Variants in PTPRM observed in about 807,000 individuals in gnomAD.
The protein encoded by PTPRM is protein tyrosine phosphatase receptor type M.
PTPRM carries 47 observed loss-of-function variants against 186.7 expected under a neutral mutation model. That is an observed-to-expected ratio of 0.25 (90% CI 0.20 to 0.32). PTPRM has a LOEUF of 0.32. Among genes scored for constraint, PTPRM ranks in the 10% least tolerant of loss-of-function variants. The pLI is 1.00. For missense variants in PTPRM, 1,494 were observed against 1,865.0 expected (o/e 0.80, Z 3.66); for synonymous variants, 668 against 674.9 (o/e 0.99, Z 0.16).
intron 7 of PTPRM, among the ~76,000 whole-genome samples, chr18:7,964,591 A>T (rs976254377): frequency 1.3e-5 from 2 of 152,222 alleles, no homozygotes; most frequent in Non-Finnish European, 2.9e-5. Context: ...AATCCTAAGT[A>T]GGTTTACTAT....
chr18:7,828,919 G>T (rs2045625471), intron 2 of PTPRM, among the ~76,000 whole-genome samples: 1 of 152,114 alleles, frequency 6.6e-6, no homozygotes, highest in Non-Finnish European at 1.5e-5. Context: ...TATAAGTATT[G>T]CAATAAAGAA....
intron 2 of PTPRM, among the ~76,000 whole-genome samples, chr18:7,802,829 T>C (rs2044041567): frequency 6.6e-6 from 1 of 152,216 alleles, no homozygotes; most frequent in Non-Finnish European, 1.5e-5. Context: ...AAAACTGTTA[T>C]GTTTCATGCA....
intron 19 of PTPRM, among the ~76,000 whole-genome samples, chr18:8,268,413 G>A (rs72913130): frequency 0.2 from 30,491 of 151,950 alleles, 3,454 homozygotes; most frequent in African/African-American, 0.3. Flanking sequence ...TATAGCAATA[G>A]CAAGGAGATT....
At chr18:8,403,463 C>T (rs1183789096) in intron 32 of PTPRM, 3 of 152,086 alleles carry the variant, frequency 2.0e-5, no homozygotes, top group African/African-American at 7.2e-5. Flanking sequence ...TGCATTCCTA[C>T]CAGCCGTGTA....
chr18:8,017,582 CAAAAAAAAAAAAA>C (rs71354586), intron 7 of PTPRM, among the ~76,000 whole-genome samples: 5 of 64,724 alleles, frequency 7.7e-5, no homozygotes, highest in African/African-American at 3.1e-4. Context: ...GACTCCTTCT[CAAAAAAAAAAAAA>C]AAAAAAAAAA....
intron 7 of PTPRM, among the ~76,000 whole-genome samples, chr18:7,997,502 A>T (rs2083608797): frequency 6.6e-6 from 1 of 152,164 alleles, no homozygotes; most frequent in Non-Finnish European, 1.5e-5. Flanking sequence ...AATATTGAAA[A>T]CACGTGGGAA....
intron 21 of PTPRM, among the ~76,000 whole-genome samples, chr18:8,315,907 C>A (rs536690666): frequency 2.0e-5 from 3 of 152,158 alleles, no homozygotes; most frequent in Non-Finnish European, 2.9e-5. Flanking sequence ...CAAACGAAGA[C>A]CCCTGCACTA....
intron 2 of PTPRM, among the ~76,000 whole-genome samples, chr18:7,822,073 ACTTC>A (rs2045228833): frequency 6.6e-6 from 1 of 152,158 alleles, no homozygotes; most frequent in Admixed American, 6.5e-5. Flanking sequence ...ATATAGTTCT[ACTTC>A]CTTCCTTCGT....
At chr18:8,376,403 A>AAGC in intron 25 of PTPRM, 59 bp from the exon 26 acceptor site, 1 of 1,609,566 alleles carries the variant, frequency 6.2e-7, no homozygotes, top group Non-Finnish European at 8.5e-7. Context: ...AAAATTTAAA[A>AAGC]AGCAGCAGCA....
At chr18:8,226,789 G>A (rs2094218915) in intron 14 of PTPRM, among the ~76,000 whole-genome samples, 1 of 152,136 alleles carries the variant, frequency 6.6e-6, no homozygotes, top group South Asian at 2.1e-4. Context: ...GTTTTGCTTG[G>A]CTAAAGTCAA....
chr18:7,640,521 C>A (rs1337890540), intron 1 of PTPRM, among the ~76,000 whole-genome samples: 2 of 152,006 alleles, frequency 1.3e-5, no homozygotes, highest in Non-Finnish European at 2.9e-5. Context: ...ACTGGGAAAT[C>A]TAGGAGTAGA....
chr18:8,233,539 T>C (rs941351454), intron 14 of PTPRM, among the ~76,000 whole-genome samples: 1 of 152,224 alleles, frequency 6.6e-6, no homozygotes, highest in Admixed American at 6.5e-5. Context: ...TTAAGAGTTA[T>C]TTGAACATTA....
intron 14 of PTPRM, among the ~76,000 whole-genome samples, chr18:8,203,621 A>T (rs945857771): frequency 2.0e-5 from 3 of 152,180 alleles, no homozygotes; most frequent in African/African-American, 7.2e-5. Context: ...TATATGGAAG[A>T]ATTCCTTGTT....
chr18:7,806,320 G>T (rs1319207349), intron 2 of PTPRM, among the ~76,000 whole-genome samples: 1 of 152,142 alleles, frequency 6.6e-6, no homozygotes, highest in Admixed American at 6.5e-5. Context: ...AAAGGATTCT[G>T]AATTATTATG....
intron 2 of PTPRM, among the ~76,000 whole-genome samples, chr18:7,840,116 G>T (rs2046252495): frequency 6.6e-6 from 1 of 150,780 alleles, no homozygotes; most frequent in Admixed American, 6.6e-5. Flanking sequence ...GATGGGGGAG[G>T]GGTGGTGTCC....
chr18:8,075,946 C>T (rs2089784712), intron 8 of PTPRM, among the ~76,000 whole-genome samples: 1 of 152,116 alleles, frequency 6.6e-6, no homozygotes, highest in East Asian at 1.9e-4. Context: ...ACTTGTTTCT[C>T]ATTTATTATT....
chr18:7,874,131 C>G (rs1451872997), intron 2 of PTPRM, among the ~76,000 whole-genome samples: 2 of 151,802 alleles, frequency 1.3e-5, no homozygotes, highest in African/African-American at 4.8e-5. Flanking sequence ...AAAAAAATCC[C>G]TTCGTATATG....
chr18:8,354,865 C>T (rs1424893886), intron 23 of PTPRM, among the ~76,000 whole-genome samples: 1 of 152,138 alleles, frequency 6.6e-6, no homozygotes, highest in Non-Finnish European at 1.5e-5. Context: ...AGCAGCGAGT[C>T]ACAGGAGAGA....
At chr18:8,080,737 G>C (rs1034652613) in intron 9 of PTPRM, among the ~76,000 whole-genome samples, 1 of 152,068 alleles carries the variant, frequency 6.6e-6, no homozygotes, top group African/African-American at 2.4e-5. Flanking sequence ...ATACTCAAGG[G>C]CTTCTGTGAT....
Sources: gnomAD v4.1 joint callset for allele counts (sites outside exome capture counted in the v4.1 genomes callset) on GRCh38, gnomAD v4.1.1 for gene constraint, MANE v1.5 for transcripts, NCBI Gene and HGNC (gene_info 2026-07-23, HGNC 2026-07-21) for gene names.